The following LOXHD1 variants were observed in gnomAD, a reference collection of about 807,000 sequenced individuals.
The protein encoded by LOXHD1 is lipoxygenase homology PLAT domains 1.
A neutral mutation model predicts 248.2 loss-of-function variants in LOXHD1; 205 were observed. The ratio of observed to expected loss-of-function variants is 0.83; its 90% CI spans 0.74 to 0.93. The LOEUF is 0.93. LOXHD1 is among the 40% of genes least tolerant of loss of function. LOXHD1 has a pLI of 0.00. For synonymous variants in LOXHD1, 1,113 were observed against 1,162.8 expected (o/e 0.96, Z 0.87); for missense variants, 2,930 against 2,971.6 (o/e 0.99, Z 0.33).
intron 5 of LOXHD1, among the ~76,000 whole-genome samples, chr18:46,616,316 T>C (rs2038586379): frequency 6.6e-6 from 1 of 152,164 alleles, no homozygotes; most frequent in Non-Finnish European, 1.5e-5. Flanking sequence ...ACTTTTACAA[T>C]TTTGATATGC....
chr18:46,617,244 G>A (rs899921962), intron 5 of LOXHD1, among the ~76,000 whole-genome samples: 2 of 152,222 alleles, frequency 1.3e-5, no homozygotes, highest in East Asian at 3.9e-4. Context: ...TAGAGCTCTT[G>A]CCAAGAAACA....
chr18:46,520,973 G>A, intron 33 of LOXHD1, 124 bp downstream of exon 33: 2 of 1,154,104 alleles, frequency 1.7e-6, no homozygotes, highest in Non-Finnish European at 2.4e-6. Flanking sequence ...ACACCAGGCT[G>A]CAGCGCCTGC....
At chr18:46,656,542 G>C (rs1214287928) in intron 1 of LOXHD1, among the ~76,000 whole-genome samples, 3 of 152,212 alleles carry the variant, frequency 2.0e-5, no homozygotes, top group African/African-American at 7.2e-5. Flanking sequence ...GACCCCAGCA[G>C]TTCAGGGCGC....
intron 12 of LOXHD1, among the ~76,000 whole-genome samples, chr18:46,589,007 G>T (rs2038114963): frequency 6.6e-6 from 1 of 152,196 alleles, no homozygotes; most frequent in African/African-American, 2.4e-5. Flanking sequence ...TAAGTGGCAG[G>T]GAAGGGCTGG....
intron 40 of LOXHD1, among the ~76,000 whole-genome samples, chr18:46,483,199 A>G (rs1268076613): frequency 1.3e-5 from 2 of 152,098 alleles, no homozygotes; most frequent in African/African-American, 2.4e-5. Context: ...GTGGGTTTTC[A>G]CTATGACCGT....
At chr18:46,624,522 T>A (rs1486702809) in intron 4 of LOXHD1, among the ~76,000 whole-genome samples, 1 of 152,170 alleles carries the variant, frequency 6.6e-6, no homozygotes, top group Admixed American at 6.5e-5. Flanking sequence ...TCATGTAGAC[T>A]CCAGTTCTTT....
intron 4 of LOXHD1, 24 bp from the exon 5 acceptor site, chr18:46,618,314 C>A: frequency 1.3e-6 from 2 of 1,495,902 alleles, no homozygotes; most frequent in South Asian, 2.4e-5. Context: ...GAGAGAAAAA[C>A]CTTAGCTCAT....
At position 46,601,234 on chromosome 18, in the gene LOXHD1, C is replaced by G; in HGVS notation, c.1117G>C (p.Gly373Arg). ...TCCCTTACCTTCTCACAGAACCAGC[C>G]TCTGTTGACACCCACATTGCCATGC... ...VGHGNVGVNR[G>R]WFCEKVVILC... Residue 373 changes from glycine (G) to arginine (R), a missense_variant, in exon 8 of 41, where the codon GGC becomes CGC. By Grantham distance (125) the Gly-to-Arg change is moderately radical. Coordinates refer to ENST00000642948, the MANE Select transcript of LOXHD1 (RefSeq NM_001384474.1). 1 of 1,551,542 alleles carries G rather than the reference C, an allele frequency of 6.4e-7. No individual in the cohort carries two copies. Among genetic ancestry groups the G allele is most frequent in the Non-Finnish European group, 8.7e-7 (1 of 1,146,844 alleles).
intron 12 of LOXHD1, among the ~76,000 whole-genome samples, chr18:46,582,884 C>G (rs1027183005): frequency 3.3e-5 from 5 of 152,088 alleles, no homozygotes; most frequent in Non-Finnish European, 5.9e-5. Context: ...GGTGGTGGTT[C>G]CTATGAATGA....
intron 17 of LOXHD1, among the ~76,000 whole-genome samples, chr18:46,565,553 G>T (rs1003358759): frequency 6.6e-6 from 1 of 152,184 alleles, no homozygotes. Context: ...TCAATAGACC[G>T]TCATTCCTCA....
intron 5 of LOXHD1, among the ~76,000 whole-genome samples, chr18:46,613,248 T>G (rs2038534881): frequency 1.3e-5 from 2 of 152,184 alleles, no homozygotes; most frequent in Admixed American, 1.3e-4. Context: ...CTCAATTTAT[T>G]TACATATTCT....
chr18:46,604,508 T>A (rs1349743356), intron 6 of LOXHD1, among the ~76,000 whole-genome samples: 1 of 152,154 alleles, frequency 6.6e-6, no homozygotes, highest in African/African-American at 2.4e-5. Context: ...AAGCAAAAAA[T>A]TTGGCAGCAT....
rs141932807 is a variant in LOXHD1, at chr18:46,577,732, C to T, written c.1945G>A (p.Asp649Asn). 6.4e-4 allele frequency: 1,000 copies of T among 1,551,514 alleles called. 9 individuals carry two copies. The African/African-American group carries it at 0.011, about 18-fold the overall frequency. ...LVREEGQPESDNVEFPCLRWL... is the reference protein window; with the variant it reads ...LVREEGQPESNNVEFPCLRWL... Reference sequence around the variant, plus strand: ...CTGAGACATGGGAACTCCACGTTGTCGCTCTCAGGCTGCCCCTCCTCTCTC... The same window carrying T: ...CTGAGACATGGGAACTCCACGTTGTTGCTCTCAGGCTGCCCCTCCTCTCTC... Residue 649 changes from aspartate to asparagine, a missense_variant, in exon 14 of 41, where the codon GAC becomes AAC. By Grantham distance (23) the Asp-to-Asn change is conservative. Coordinates refer to ENST00000642948, the MANE Select transcript of LOXHD1 (RefSeq NM_001384474.1).
At chr18:46,501,364 T>C (rs1185604705) in intron 37 of LOXHD1, among the ~76,000 whole-genome samples, 1 of 152,206 alleles carries the variant, frequency 6.6e-6, no homozygotes, top group Non-Finnish European at 1.5e-5. Context: ...AGTGCCATGT[T>C]TTCACATTTT....
chr18:46,480,745 T>C (rs993416360), intron 40 of LOXHD1, among the ~76,000 whole-genome samples: 3 of 152,096 alleles, frequency 2.0e-5, no homozygotes, highest in Non-Finnish European at 4.4e-5. Context: ...TCTGTGAACA[T>C]TGTGTATTAG....
intron 1 of LOXHD1, among the ~76,000 whole-genome samples, chr18:46,651,290 A>G (rs1250494746): frequency 6.6e-6 from 1 of 152,196 alleles, no homozygotes; most frequent in Non-Finnish European, 1.5e-5. Context: ...AAAAGCAGCC[A>G]TATATTTGCA....
chr18:46,533,335 G>C lies in LOXHD1; in HGVS notation c.4213-11C>G. On this transcript the variant is annotated splice_polypyrimidine_tract_variant and intron_variant, in intron 27 of 40. Coordinates refer to ENST00000642948, the MANE Select transcript of LOXHD1 (RefSeq NM_001384474.1). Reference sequence around the variant, plus strand: ...CAAGGTCTCTGCACCCTGGGGTGAGGCAGAAAAAGGAAAATTAGCCCTTAA... The same window carrying C: ...CAAGGTCTCTGCACCCTGGGGTGAGCCAGAAAAAGGAAAATTAGCCCTTAA... 1.9e-6 allele frequency: 3 copies of C among 1,550,954 alleles called. No individual in the cohort carries two copies. The highest frequency in any genetic ancestry group is 2.6e-6 in the Non-Finnish European group (3 of 1,146,708).
intron 4 of LOXHD1, among the ~76,000 whole-genome samples, chr18:46,628,409 C>T (rs1025194690): frequency 6.6e-6 from 1 of 152,172 alleles, no homozygotes; most frequent in Non-Finnish European, 1.5e-5. Context: ...CCTGGGAATT[C>T]TTCCATGGAG....
chr18:46,485,210 C>G, intron 38 of LOXHD1, 59 bp from the exon 39 acceptor site: 2 of 1,518,034 alleles, frequency 1.3e-6, no homozygotes, highest in East Asian at 2.5e-5. Flanking sequence ...GTCTTCAGGG[C>G]GGGAGCAAGA....
Sources: gnomAD v4.1 joint callset for allele counts (sites outside exome capture counted in the v4.1 genomes callset) on GRCh38, gnomAD v4.1.1 for gene constraint, MANE v1.5 for transcripts, NCBI Gene and HGNC (gene_info 2026-07-23, HGNC 2026-07-21) for gene names.